Variants in MGAT4C observed in about 807,000 individuals in gnomAD.
The protein encoded by MGAT4C is alpha-1,3-mannosyl-glycoprotein 4-beta-N-acetylglucosaminyltransferase C.
Under a neutral mutation model 40.1 loss-of-function variants are expected in MGAT4C, and 19 were observed. The observed-to-expected ratio is 0.47, with a 90% CI of 0.33 to 0.70. The LOEUF (loss-of-function observed/expected upper bound fraction) is 0.70, where lower values mean the gene tolerates loss of function less well. Ranked by LOEUF, MGAT4C falls within the 30% of genes least tolerant of loss-of-function variation. The pLI, the probability that MGAT4C is intolerant of heterozygous loss-of-function variation, is 0.02. For synonymous variants in MGAT4C, 181 were observed against 187.1 expected (o/e 0.97, Z 0.27); for missense variants, 491 against 563.2 (o/e 0.87, Z 1.30).
intron 3 of MGAT4C, among the ~76,000 whole-genome samples, chr12:86,380,044 C>G (rs1360905667): frequency 6.6e-6 from 1 of 152,068 alleles, no homozygotes; most frequent in Non-Finnish European, 1.5e-5. Context: ...GTATTATTTT[C>G]TGGGCCAAAG....
chr12:86,638,256 T>G lies in MGAT4C; in HGVS notation c.-229+88953A>C, dbSNP rs531125078. Among the ~76,000 whole-genome samples, 3 of 152,036 alleles carry G rather than the reference T, an allele frequency of 2.0e-5. No individual in the cohort carries two copies. The South Asian group carries it at 6.2e-4, about 31-fold the overall frequency. On this transcript the variant is annotated intron_variant, in intron 2 of 7. Coordinates refer to the MGAT4C transcript ENST00000548651. ...TCTTCCTGAAAATACCAGTTCAATT[T>G]AATTGCTTTTGAGGAGCTTTGTTGA...
At chr12:86,567,718 GTCA>G (rs1960192278) in intron 2 of MGAT4C, among the ~76,000 whole-genome samples, 1 of 152,168 alleles carries the variant, frequency 6.6e-6, no homozygotes, top group South Asian at 2.1e-4. Context: ...GAAGAAGGTG[GTCA>G]TCAATACCAG....
chr12:86,410,485 G>T (rs771019150), intron 3 of MGAT4C, among the ~76,000 whole-genome samples: 1 of 151,968 alleles, frequency 6.6e-6, no homozygotes, highest in Admixed American at 6.6e-5. Context: ...GCTCTATTCT[G>T]CCCGACCACA....
chr12:86,286,609 CA>C (rs200817124), intron 4 of MGAT4C, among the ~76,000 whole-genome samples: 1,834 of 152,054 alleles, frequency 0.012, 15 homozygotes, highest in Middle Eastern at 0.027. Context: ...ATTTTAGGTG[CA>C]GGGGAACATG....
At chr12:86,429,527 C>T (rs1194753868) in intron 3 of MGAT4C, among the ~76,000 whole-genome samples, 3 of 152,100 alleles carry the variant, frequency 2.0e-5, no homozygotes, top group African/African-American at 4.8e-5. Context: ...GATTTTCCAT[C>T]TGGGTGAATA....
At chr12:86,015,253 A>ATG (rs74276061) in intron 2 of MGAT4C, among the ~76,000 whole-genome samples, 1,550 of 151,168 alleles carry the variant, frequency 0.01, 11 homozygotes, top group Middle Eastern at 0.014. Flanking sequence ...TTTTGCACCA[A>ATG]TGTGTGTGTG....
intron 3 of MGAT4C, among the ~76,000 whole-genome samples, chr12:86,382,089 A>T (rs560766413): frequency 6.6e-6 from 1 of 152,314 alleles, no homozygotes; most frequent in South Asian, 2.1e-4. Context: ...AGGTTGGAAC[A>T]GTTTGGAGGG....
chr12:86,829,691 A>C (rs146077566), intron 1 of MGAT4C, among the ~76,000 whole-genome samples: 313 of 151,434 alleles, frequency 2.1e-3, no homozygotes, highest in African/African-American at 7.3e-3. Flanking sequence ...TGGAGGCATA[A>C]GTGTTTTGTT....
chr12:86,357,059 G>A (rs1018866312), intron 3 of MGAT4C, among the ~76,000 whole-genome samples: 6 of 152,128 alleles, frequency 3.9e-5, no homozygotes, highest in African/African-American at 7.2e-5. Context: ...AGCCTAACTG[G>A]GAGGCACCTC....
At chr12:86,318,187 A>G (rs998820656) in intron 4 of MGAT4C, among the ~76,000 whole-genome samples, 5 of 151,970 alleles carry the variant, frequency 3.3e-5, no homozygotes, top group African/African-American at 1.2e-4. Context: ...TGGGTAATAT[A>G]AAATATATAA....
At chr12:86,062,687 T>C (rs959343361) in intron 1 of MGAT4C, among the ~76,000 whole-genome samples, 5 of 151,794 alleles carry the variant, frequency 3.3e-5, no homozygotes, top group Non-Finnish European at 7.4e-5. Context: ...ATAAATGACC[T>C]GATGGAGTGA....
At chr12:86,433,944 T>C (rs915562758) in intron 3 of MGAT4C, among the ~76,000 whole-genome samples, 1 of 152,018 alleles carries the variant, frequency 6.6e-6, no homozygotes, top group Non-Finnish European at 1.5e-5. Context: ...ACATATTTCC[T>C]CTCCTGGAAG....
At chr12:86,664,193 G>A (rs1964046162) in intron 2 of MGAT4C, among the ~76,000 whole-genome samples, 1 of 150,668 alleles carries the variant, frequency 6.6e-6, no homozygotes, top group East Asian at 2.0e-4. Flanking sequence ...TGTAACATCC[G>A]GAGACAATGT....
chr12:86,725,544 T>A (rs1330560090), intron 2 of MGAT4C, among the ~76,000 whole-genome samples: 6 of 151,998 alleles, frequency 3.9e-5, no homozygotes, highest in Non-Finnish European at 8.8e-5. Context: ...CACTGCAACC[T>A]CCGCCTCCTG....
chr12:86,153,687 A>G (rs906982027), intron 1 of MGAT4C, among the ~76,000 whole-genome samples: 3 of 152,154 alleles, frequency 2.0e-5, no homozygotes, highest in Non-Finnish European at 4.4e-5. Context: ...GGTTTTATAA[A>G]TAACACTTTT....
At chr12:86,428,087 A>T (rs1956964269) in intron 3 of MGAT4C, among the ~76,000 whole-genome samples, 1 of 152,190 alleles carries the variant, frequency 6.6e-6, no homozygotes. Context: ...AATATAGTAT[A>T]AAATCATTGT....
intron 1 of MGAT4C, among the ~76,000 whole-genome samples, chr12:86,135,726 G>C (rs986030662): frequency 2.6e-5 from 4 of 152,150 alleles, no homozygotes; most frequent in South Asian, 2.1e-4. Flanking sequence ...GTCCCTTAGA[G>C]AATGTCAGCA....
intron 1 of MGAT4C, among the ~76,000 whole-genome samples, chr12:86,095,645 T>C (rs918077269): frequency 2.0e-5 from 3 of 151,730 alleles, no homozygotes; most frequent in African/African-American, 4.8e-5. Flanking sequence ...TCTTTTTTTT[T>C]TTTCCTTCTT....
chr12:86,043,470 GTCAGAAGAC>G (rs756024213), intron 2 of MGAT4C, among the ~76,000 whole-genome samples: 4 of 152,140 alleles, frequency 2.6e-5, no homozygotes, highest in Non-Finnish European at 5.9e-5. Flanking sequence ...GTAAAAGGAG[GTCAGAAGAC>G]TCAGCCAGTC....
Sources: gnomAD v4.1 joint callset for allele counts (sites outside exome capture counted in the v4.1 genomes callset) on GRCh38, gnomAD v4.1.1 for gene constraint, MANE v1.5 for transcripts, NCBI Gene and HGNC (gene_info 2026-07-23, HGNC 2026-07-21) for gene names.